Variants in TXNRD2 observed in about 807,000 individuals in gnomAD.
TXNRD2 encodes thioredoxin reductase 2, mitochondrial.
TXNRD2 carries 67 observed loss-of-function variants against 70.8 expected under a neutral mutation model. The observed-to-expected ratio is 0.95, with a 90% confidence interval of 0.78 to 1.16. TXNRD2 has a LOEUF of 1.16. Among genes scored for constraint, TXNRD2 ranks in the 50% most tolerant of loss-of-function variants. The pLI is 0.00. For missense variants in TXNRD2, 644 were observed against 719.9 expected (o/e 0.89, Z 1.21); for synonymous variants, 301 against 295.8 (o/e 1.02, Z -0.18).
chr22:19,905,653 C>G (rs1053737009), intron 8 of TXNRD2, among the ~76,000 whole-genome samples: 7 of 152,154 alleles, frequency 4.6e-5, no homozygotes, highest in Admixed American at 3.9e-4. Context: ...TGCCAGACAT[C>G]CAAGGCCATT....
At chr22:19,928,939 C>T (rs1349792191) in intron 2 of TXNRD2, among the ~76,000 whole-genome samples, 4 of 149,360 alleles carry the variant, frequency 2.7e-5, no homozygotes, top group Non-Finnish European at 5.9e-5. Context: ...CCAGAAGGCA[C>T]AGGTTGCAGT....
At chr22:19,919,903 C>T (rs1940829817) in intron 2 of TXNRD2, among the ~76,000 whole-genome samples, 1 of 150,362 alleles carries the variant, frequency 6.7e-6, no homozygotes. Context: ...AGCCTTTGTA[C>T]CATCCACCCC....
intron 2 of TXNRD2, among the ~76,000 whole-genome samples, chr22:19,927,300 A>AT (rs1384674049): frequency 1.3e-5 from 2 of 152,032 alleles, no homozygotes; most frequent in East Asian, 1.9e-4. Context: ...GTCTCAAAAA[A>AT]ATATATATAT....
chr22:19,909,567 T>TACCCACACCATTCAC (rs1940232374), intron 8 of TXNRD2, among the ~76,000 whole-genome samples: 1 of 94,992 alleles, frequency 1.1e-5, no homozygotes, highest in Non-Finnish European at 2.1e-5. Context: ...ACTACTCACA[T>TACCCACACCATTCAC]ACACACACCA....
Position 19,878,127 on chromosome 22 carries a change from C to T in TXNRD2, c.1408G>A (p.Ala470Thr), listed in dbSNP as rs931478209. ...GCAAATCCTTGAGTAACTTCGCCTG[C>T]GTTGGGGCCAAGGAAATGCAGGCCC... is the stretch of plus-strand genomic sequence containing the variant. ...VLGLHFLGPN[A>T]GEVTQGFALG... Residue 470 changes from alanine (A) to threonine (T), a missense_variant, in exon 16 of 18, where the codon GCA becomes ACA. Ala to Thr is a moderately conservative substitution (Grantham distance 58). Transcript: ENST00000400521. 8 of 1,613,382 alleles carry T rather than the reference C, an allele frequency of 5.0e-6. No homozygotes were observed. Among genetic ancestry groups the T allele is most frequent in the African/African-American group, 2.7e-5 (2 of 74,928 alleles).
At chr22:19,910,175 T>G (rs1940343609) in intron 8 of TXNRD2, among the ~76,000 whole-genome samples, 1 of 152,264 alleles carries the variant, frequency 6.6e-6, no homozygotes, top group Admixed American at 6.5e-5. Context: ...AGGCAGGAGC[T>G]GCCTGGACCT....
intron 1 of TXNRD2, among the ~76,000 whole-genome samples, chr22:19,940,465 AT>A (rs1941672317): frequency 6.6e-6 from 1 of 152,090 alleles, no homozygotes; most frequent in Admixed American, 6.5e-5. Flanking sequence ...TAAGGGCATT[AT>A]CCCCCTAAGT....
intron 4 of TXNRD2, 61 bp from the exon 5 acceptor site, chr22:19,918,278 C>T: frequency 3.6e-6 from 5 of 1,403,798 alleles, no homozygotes; most frequent in Non-Finnish European, 4.0e-6. Context: ...CAGGGCCTCA[C>T]GATGGACTAT....
chr22:19,879,592 G>A (rs1938664209), intron 14 of TXNRD2, among the ~76,000 whole-genome samples: 1 of 145,206 alleles, frequency 6.9e-6, no homozygotes, highest in South Asian at 2.3e-4. Flanking sequence ...ACCCTGGGCA[G>A]TCCAGGAAGA....
In TXNRD2 at chr22:19,935,552, AC is replaced by A. The variant is rs1214426264; in HGVS notation, c.104-4455del. 2.6e-5 allele frequency among the ~76,000 whole-genome samples: 4 copies of A among 151,944 alleles called. No homozygotes were observed. In the East Asian group the frequency reaches 7.7e-4, roughly 29 times the overall value. On this transcript the variant is annotated intron_variant, in intron 1 of 17. Transcript: ENST00000400521. ...TTGAAGCATGTGATCTTTGTGACCTACTCCCTATTGGCACAACCCCTCCCCT... is the reference window on the plus strand; with the variant it reads ...TTGAAGCATGTGATCTTTGTGACCTATCCCTATTGGCACAACCCCTCCCCT...
chr22:19,890,006 G>A (rs192997835), intron 11 of TXNRD2, among the ~76,000 whole-genome samples: 9 of 152,244 alleles, frequency 5.9e-5, no homozygotes, highest in East Asian at 1.9e-4. Flanking sequence ...TGCAGGTGCC[G>A]GCTGGCCTGT....
In TXNRD2 at chr22:19,911,295, C is replaced by A. The variant is rs55715863; in HGVS notation, c.662+82G>T. On this transcript the variant is annotated intron_variant, in intron 8 of 17. Coordinates refer to ENST00000400521, the MANE Select transcript of TXNRD2 (RefSeq NM_006440.5). ...AACCGGAAAGAAAGCCCCAGGAGCC[C>A]AGCACCAGCACAGGCTCTAAGGGTC... 32,470 of 1,155,842 alleles carry A rather than the reference C, an allele frequency of 0.028. 733 individuals carry two copies. The highest frequency in any genetic ancestry group is 0.079 in the South Asian group (6,414 of 81,022). 71.6% of individuals were successfully genotyped at this position (1,155,842 alleles called of 1,614,324 possible).
chr22:19,898,917 C>A, intron 9 of TXNRD2, 132 bp downstream of exon 9: 1 of 1,148,434 alleles, frequency 8.7e-7, no homozygotes, highest in Non-Finnish European at 1.3e-6. Context: ...GTAGATCCTC[C>A]ACGCCGAGAG....
At chr22:19,892,306 C>T (rs1453670854) in intron 11 of TXNRD2, among the ~76,000 whole-genome samples, 2 of 152,240 alleles carry the variant, frequency 1.3e-5, no homozygotes, top group Non-Finnish European at 2.9e-5. Context: ...TGAATGTTTA[C>T]AAAACCTGGC....
chr22:19,928,344 C>T (rs1336863856), intron 2 of TXNRD2, among the ~76,000 whole-genome samples: 1 of 152,074 alleles, frequency 6.6e-6, no homozygotes, highest in Non-Finnish European at 1.5e-5. Context: ...CAGGGGAACA[C>T]GTACACGAAA....
At chr22:19,898,182 G>A in intron 9 of TXNRD2, 52 bp from the exon 10 acceptor site, 1 of 1,497,474 alleles carries the variant, frequency 6.7e-7, no homozygotes, top group Non-Finnish European at 9.1e-7. Flanking sequence ...GGAAATGATG[G>A]GACAACACCC....
At chr22:19,918,047 G>C (rs751878657) in intron 5 of TXNRD2, 96 bp downstream of exon 5, 19 of 1,090,346 alleles carry the variant, frequency 1.7e-5, no homozygotes, top group Non-Finnish European at 2.7e-5. Context: ...GAGCCTGCCA[G>C]AGCATGCTCT....
intron 12 of TXNRD2, chr22:19,880,973 G>T: frequency 1.7e-6 from 1 of 584,498 alleles, no homozygotes; most frequent in Non-Finnish European, 3.0e-6. Flanking sequence ...TGCTGATGAG[G>T]CTGGCCGTGC....
At chr22:19,881,172 A>G (rs1938757470) in intron 12 of TXNRD2, 1 of 412,090 alleles carries the variant, frequency 2.4e-6, no homozygotes, top group Non-Finnish European at 4.3e-6. Flanking sequence ...GTCACAGTCC[A>G]TAACAAATTC....
Sources: gnomAD v4.1 joint callset for allele counts (sites outside exome capture counted in the v4.1 genomes callset) on GRCh38, gnomAD v4.1.1 for gene constraint, MANE v1.5 for transcripts, NCBI Gene and HGNC (gene_info 2026-07-23, HGNC 2026-07-21) for gene names.